PSME4: variants seen among roughly 807,000 people sequenced by gnomAD.
The protein encoded by PSME4 is proteasome activator complex subunit 4.
In PSME4, 89 loss-of-function variants were observed where a neutral mutation model predicts 253.9. That is an observed-to-expected ratio of 0.35 (90% CI 0.30 to 0.42). The LOEUF (loss-of-function observed/expected upper bound fraction) is 0.42, where lower values mean the gene tolerates loss of function less well. Among genes scored for constraint, PSME4 ranks in the 10% least tolerant of loss-of-function variants. The probability of loss-of-function intolerance (pLI) is 1.00; values close to 1 mark genes in which losing one functional copy is unlikely to be tolerated. For missense variants in PSME4, 2,014 were observed against 2,195.2 expected (o/e 0.92, Z 1.65); for synonymous variants, 851 against 759.2 (o/e 1.12, Z -1.99).
At position 53,920,282 on chromosome 2, in the gene PSME4, C is replaced by T; in HGVS notation, c.2331G>A (p.Val777=). The change falls in exon 19 of 47, where the codon GTG becomes GTA. Residue 777 remains valine, a synonymous_variant. Transcript: ENST00000404125. ...IQWHVPSSEE[V]SFAFYLLDSF... is the part of the protein sequence containing the mutation. ...AGTCCAAAAGATAAAAGGCAAAAGA[C>T]ACTTCTTCTGAAGAAGGAACATGCC... 1.2e-6 allele frequency: 2 copies of T among 1,613,882 alleles called. No homozygotes were observed. Among genetic ancestry groups the T allele is most frequent in the Admixed American group, 3.3e-5 (2 of 60,016 alleles).
chr2:53,901,122 A>G (rs1162414287), intron 28 of PSME4, among the ~76,000 whole-genome samples: 1 of 152,206 alleles, frequency 6.6e-6, no homozygotes. Flanking sequence ...CCCTTTGTGG[A>G]GCCCTGGCTG....
At position 53,948,514 on chromosome 2, in the gene PSME4, G is replaced by A; in HGVS notation, c.407C>T (p.Ala136Val). ...LLKKKELLSR[A>V]DLELPWRPLY... ...TGGTCTCCAGGGTAACTCCAAATCA[G>A]CTCTTGAAAGAAGTTCCTTTTTCCT... Residue 136 changes from alanine (A) to valine (V), a missense_variant, in exon 3 of 47, where the codon GCT becomes GTT. By Grantham distance (64) the Ala-to-Val change is moderately conservative. Coordinates refer to ENST00000404125, the MANE Select transcript of PSME4 (RefSeq NM_014614.3). The A allele has an allele frequency of 6.2e-7, 1 of 1,611,940 alleles. No individual in the cohort carries two copies. The highest frequency in any genetic ancestry group is 2.2e-5 in the East Asian group (1 of 44,844).
Position 53,899,902 on chromosome 2 carries a change from T to C in PSME4, c.3401A>G (p.Glu1134Gly), listed in dbSNP as rs1264499669. ...TTACCTTAGGGCATCGGCATTCTTT[T>C]CCTGTTGGCGTTTAATTCCTTCCTT... ...KIKEGIKRQQ[E>G]KNADALRNYE... The change falls in exon 29 of 47, where the codon GAA (glutamate) becomes GGA (glycine). Residue 1134 changes from glutamate to glycine, a missense_variant. Around this residue, in one of 4 missense-constraint regions of PSME4, gnomAD observed 989 missense variants for 1,021.1 expected, o/e 0.97. Transcript: ENST00000404125. 4 of 1,613,692 alleles carry C rather than the reference T, an allele frequency of 2.5e-6. No individual in the cohort carries two copies. Among genetic ancestry groups the C allele is most frequent in the Non-Finnish European group, 3.4e-6 (4 of 1,179,794 alleles).
intron 1 of PSME4, among the ~76,000 whole-genome samples, chr2:53,962,808 C>A (rs553338453): frequency 6.6e-6 from 1 of 151,888 alleles, no homozygotes; most frequent in African/African-American, 2.4e-5. Flanking sequence ...GTCTGGAGAT[C>A]GAGACCATCC....
Position 53,928,277 on chromosome 2 carries a change from G to C in PSME4, c.1343C>G (p.Thr448Arg), listed in dbSNP as rs1335794957. 6.2e-7 allele frequency: 1 copy of C among 1,614,056 alleles called. No individual in the cohort carries two copies. Among genetic ancestry groups the C allele is most frequent in the South Asian group, 1.1e-5 (1 of 91,072 alleles). ...AGTAGCTGTGAGCTGGTGAGGTTCT[G>C]TTAATGTCTCTAATGCAGGATATGT... is the stretch of plus-strand genomic sequence containing the variant. ...ERTYPALETL[T>R]EPHQLTATLS... The change falls in exon 11 of 47, where the codon ACA becomes AGA. Residue 448 changes from threonine to arginine, a missense_variant. By Grantham distance (71) the Thr-to-Arg change is moderately conservative. Around this residue, in one of 4 missense-constraint regions of PSME4, gnomAD observed 615 missense variants for 594.4 expected, o/e 1.03. Coordinates refer to ENST00000404125, the MANE Select transcript of PSME4 (RefSeq NM_014614.3).
chr2:53,906,836 C>T lies in PSME4; in HGVS notation c.2817G>A (p.Leu939=), dbSNP rs755359421. 6.2e-7 allele frequency: 1 copy of T among 1,613,640 alleles called. No individual in the cohort carries two copies. The highest frequency in any genetic ancestry group is 1.7e-5 in the Admixed American group (1 of 59,988). ...GCTGTAACATTACTCTATCAATCAA[C>T]AGTGCTCTGATATGTTGTTTTTTCC... ...LHGKKQHIRA[L]LIDRVMLQHE... Residue 939 remains leucine, a synonymous_variant, in exon 25 of 47, where the codon CTG becomes CTA. Coordinates refer to ENST00000404125, the MANE Select transcript of PSME4 (RefSeq NM_014614.3).
chr2:53,904,898 G>A (rs576550580), intron 26 of PSME4, among the ~76,000 whole-genome samples: 1 of 152,002 alleles, frequency 6.6e-6, no homozygotes, highest in East Asian at 2.0e-4. Flanking sequence ...TGAGGCAGGA[G>A]AATTGCTGGA....
Position 53,884,314 on chromosome 2 carries a change from G to A in PSME4, c.4815+1376C>T, listed in dbSNP as rs138309579. 2.8e-3 allele frequency among the ~76,000 whole-genome samples: 421 copies of A among 152,138 alleles called. 3 individuals are homozygous for A. Among genetic ancestry groups the A allele is most frequent in the African/African-American group, 9.4e-3 (392 of 41,508 alleles). ...TAACCTCCACCTCCCGGGTTCAAGCGATTCTCCTGCCTCAGCCTCCCGAGT... is the reference window on the plus strand; with the variant it reads ...TAACCTCCACCTCCCGGGTTCAAGCAATTCTCCTGCCTCAGCCTCCCGAGT... On this transcript the variant is annotated intron_variant, in intron 41 of 46. Transcript: ENST00000404125.
At chr2:53,906,979 G>C in intron 24 of PSME4, 111 bp from the exon 25 acceptor site, 1 of 860,936 alleles carries the variant, frequency 1.2e-6, no homozygotes, top group East Asian at 2.5e-5. Context: ...GTTGACTGGT[G>C]AGTGGTGGTG....
At chr2:53,945,876 G>C (rs1157787618) in intron 3 of PSME4, among the ~76,000 whole-genome samples, 2 of 152,152 alleles carry the variant, frequency 1.3e-5, no homozygotes, top group Admixed American at 6.5e-5. Context: ...AGTATAGGTA[G>C]GTTATATGAT....
intron 20 of PSME4, among the ~76,000 whole-genome samples, chr2:53,913,805 C>T (rs916006685): frequency 2.6e-5 from 4 of 152,190 alleles, no homozygotes; most frequent in African/African-American, 9.7e-5. Context: ...AAGTCTGACA[C>T]ATAAGCTTTT....
intron 1 of PSME4, among the ~76,000 whole-genome samples, chr2:53,958,767 T>TA (rs1029900764): frequency 4.1e-4 from 57 of 137,474 alleles, no homozygotes; most frequent in East Asian, 8.3e-4. Flanking sequence ...TGAAACAACT[T>TA]AAAAAAAAAA....
intron 21 of PSME4, 118 bp from the exon 22 acceptor site, chr2:53,908,958 G>T: frequency 1.4e-6 from 1 of 689,676 alleles, no homozygotes; most frequent in Non-Finnish European, 2.4e-6. Flanking sequence ...AAATAGGTCT[G>T]CCTTTACCAT....
chr2:53,928,089 C>G (rs781284984), intron 11 of PSME4, 28 bp downstream of exon 11: 6 of 1,549,396 alleles, frequency 3.9e-6, no homozygotes, highest in East Asian at 2.3e-5. Context: ...TACCTAAATA[C>G]GGAGTGTATA....
chr2:53,932,007 C>A lies in PSME4; in HGVS notation c.1144G>T (p.Val382Leu), dbSNP rs753268291. Reference protein sequence around the residue: ...RYKKPSWLTPVPDSHKLTDQD... With the variant: ...RYKKPSWLTPLPDSHKLTDQD... Reference sequence around the variant, plus strand: ...TCAGTAAGCTTGTGGCTATCAGGCACAGGAGTTAACCAAGAGGGCTTCTTG... The same window carrying A: ...TCAGTAAGCTTGTGGCTATCAGGCAAAGGAGTTAACCAAGAGGGCTTCTTG... Residue 382 changes from valine (V) to leucine (L), a missense_variant, in exon 10 of 47, where the codon GTG becomes TTG. Val to Leu is a conservative substitution (Grantham distance 32). This residue lies in a region of PSME4 where 615 missense variants were observed against 594.4 expected (regional missense o/e 1.03). Coordinates refer to ENST00000404125, the MANE Select transcript of PSME4 (RefSeq NM_014614.3). The A allele has an allele frequency of 6.2e-7, 1 of 1,613,718 alleles. No individual in the cohort carries two copies. The highest frequency in any genetic ancestry group is 1.3e-5 in the African/African-American group (1 of 74,894).
intron 20 of PSME4, among the ~76,000 whole-genome samples, chr2:53,916,953 T>A (rs972790170): frequency 2.0e-5 from 3 of 151,892 alleles, no homozygotes; most frequent in Non-Finnish European, 2.9e-5. Context: ...CTTTATACAA[T>A]CATTATCCCC....
At chr2:53,937,211 T>C (rs1312747115) in intron 5 of PSME4, among the ~76,000 whole-genome samples, 180 bp downstream of exon 5, 3 of 152,302 alleles carry the variant, frequency 2.0e-5, no homozygotes, top group Admixed American at 6.5e-5. Context: ...TTGGGTGTCA[T>C]CTCTTTACTT....
At chr2:53,897,105 A>T (rs1680175551) in intron 31 of PSME4, among the ~76,000 whole-genome samples, 1 of 152,058 alleles carries the variant, frequency 6.6e-6, no homozygotes, top group African/African-American at 2.4e-5. Flanking sequence ...CTCTGCCTAG[A>T]AAACTTTGAC....
chr2:53,949,256 A>G lies in PSME4; in HGVS notation c.270T>C (p.Phe90=), dbSNP rs754657643. 1 of 1,604,894 alleles carries G rather than the reference A, an allele frequency of 6.2e-7. No individual in the cohort carries two copies. The highest frequency in any genetic ancestry group is 8.5e-7 in the Non-Finnish European group (1 of 1,176,028). ...STYIRLYGRK[F]SKEDHVLFIK... ...TAAAAAGAACATGATCTTCTTTGCT[A>G]AATTTTCTCCCATAAAGTCGAATAT... The change falls in exon 2 of 47, where the codon TTT becomes TTC. Residue 90 remains phenylalanine (F), a synonymous_variant. Transcript: ENST00000404125.
Sources: gnomAD v4.1 joint callset for allele counts (sites outside exome capture counted in the v4.1 genomes callset) on GRCh38, gnomAD v4.1.1 for gene constraint, gnomAD v4.1.1 regional missense constraint, MANE v1.5 for transcripts, NCBI Gene and HGNC (gene_info 2026-07-23, HGNC 2026-07-21) for gene names.